GLYATL3: variants seen among roughly 807,000 people sequenced by gnomAD.
The protein encoded by GLYATL3 is glycine N-acyltransferase-like protein 3.
GLYATL3 carries 31 observed loss-of-function variants against 28.5 expected under a neutral mutation model. The observed-to-expected ratio is 1.09, with a 90% CI of 0.82 to 1.47. The LOEUF is 1.47. Ranked by LOEUF, GLYATL3 falls within the 40% of genes most tolerant of loss-of-function variation. GLYATL3 has a pLI of 0.00. For missense variants in GLYATL3, 369 were observed against 351.5 expected (o/e 1.05, Z -0.40); for synonymous variants, 141 against 140.2 (o/e 1.01, Z -0.04).
chr6:49,517,854 A>G (rs1769245581), intron 4 of GLYATL3, among the ~76,000 whole-genome samples: 1 of 152,166 alleles, frequency 6.6e-6, no homozygotes, highest in Non-Finnish European at 1.5e-5. Context: ...ATATGGATGG[A>G]TATCAGTGAG....
At chr6:49,500,526 GC>G (rs1349356464) in intron 1 of GLYATL3, among the ~76,000 whole-genome samples, 11 of 152,114 alleles carry the variant, frequency 7.2e-5, no homozygotes, top group Non-Finnish European at 1.5e-4. Flanking sequence ...AGAGTGTCAT[GC>G]TTTCATTGTT....
Position 49,519,522 on chromosome 6 carries a change from T to C in GLYATL3, c.313+1966T>C, listed in dbSNP as rs1769279013. Among the ~76,000 whole-genome samples, 2 of 152,202 alleles carry C rather than the reference T, an allele frequency of 1.3e-5. 1 individual carries two copies. The highest frequency in any genetic ancestry group is 4.1e-4 in the South Asian group (2 of 4,830). ...GAAGTCATTGGTATGTTTACTATTC[T>C]TAATTGGAGTATCCAAAAAGGTCAT... On this transcript the variant is annotated intron_variant, in intron 4 of 5. Transcript: ENST00000371197.
chr6:49,504,080 T>C (rs1768964261), intron 1 of GLYATL3, among the ~76,000 whole-genome samples: 2 of 152,110 alleles, frequency 1.3e-5, no homozygotes, highest in South Asian at 4.2e-4. Flanking sequence ...TTTAACAGTC[T>C]GTGGGGTGAC....
chr6:49,506,523 G>A (rs933115155), intron 1 of GLYATL3, among the ~76,000 whole-genome samples: 1 of 152,038 alleles, frequency 6.6e-6, no homozygotes, highest in Non-Finnish European at 1.5e-5. Flanking sequence ...TATGAAAAAA[G>A]CAGTCTTTAA....
At chr6:49,517,344 G>A in intron 3 of GLYATL3, 86 bp from the exon 4 acceptor site, 4 of 1,193,162 alleles carry the variant, frequency 3.4e-6, no homozygotes, top group Admixed American at 3.4e-5. Flanking sequence ...AGCTAGACAT[G>A]TCCAGCTAAC....
chr6:49,522,230 A>C, intron 5 of GLYATL3, among the ~76,000 whole-genome samples: 1 of 151,998 alleles, frequency 6.6e-6, no homozygotes, highest in East Asian at 1.9e-4. Flanking sequence ...TCTTTCCACA[A>C]CCCTGTGAAG....
At chr6:49,509,948 C>CTTCCTTTTTCTT (rs68151540) in intron 1 of GLYATL3, among the ~76,000 whole-genome samples, 2 of 100,258 alleles carry the variant, frequency 2.0e-5, no homozygotes, top group Non-Finnish European at 4.6e-5. Flanking sequence ...TATTTTCTTT[C>CTTCCTTTTTCTT]TCTTTCTTTC....
chr6:49,501,335 G>C (rs1229701961), intron 1 of GLYATL3, among the ~76,000 whole-genome samples: 1 of 152,162 alleles, frequency 6.6e-6, no homozygotes, highest in South Asian at 2.1e-4. Flanking sequence ...TTGTTCCTAG[G>C]TGGATTGGCA....
intron 1 of GLYATL3, among the ~76,000 whole-genome samples, chr6:49,504,027 G>A (rs60944851): frequency 0.28 from 42,555 of 151,866 alleles, 6,264 homozygotes; most frequent in Non-Finnish European, 0.32. Context: ...GTCATGGCTC[G>A]AATAAGAAGA....
chr6:49,524,046 AT>A (rs1224396197), intron 5 of GLYATL3, among the ~76,000 whole-genome samples: 1 of 151,490 alleles, frequency 6.6e-6, no homozygotes, highest in Non-Finnish European at 1.5e-5. Flanking sequence ...GATGCAAACA[AT>A]TTGCCTTTAA....
intron 4 of GLYATL3, among the ~76,000 whole-genome samples, chr6:49,521,294 A>G (rs147307703): frequency 2.6e-5 from 4 of 152,312 alleles, no homozygotes; most frequent in African/African-American, 7.2e-5. Flanking sequence ...TTAGAGCTCT[A>G]AAATGTCATC....
chr6:49,514,415 A>ATGG (rs1254087690), intron 2 of GLYATL3, among the ~76,000 whole-genome samples: 6 of 152,220 alleles, frequency 3.9e-5, no homozygotes, highest in Non-Finnish European at 5.9e-5. Context: ...ATGAACATGA[A>ATGG]TGGTGGTAAA....
intron 4 of GLYATL3, among the ~76,000 whole-genome samples, chr6:49,518,698 T>A (rs999171712): frequency 3.9e-5 from 6 of 152,172 alleles, no homozygotes; most frequent in African/African-American, 1.2e-4. Flanking sequence ...CCCAGCACTT[T>A]AGGAGGCCGA....
At chr6:49,503,207 T>C (rs962909932) in intron 1 of GLYATL3, among the ~76,000 whole-genome samples, 3 of 152,240 alleles carry the variant, frequency 2.0e-5, no homozygotes, top group Non-Finnish European at 4.4e-5. Context: ...TACTGTCCCA[T>C]CTTTGAATTG....
At position 49,512,043 on chromosome 6, in the gene GLYATL3, A is replaced by G. The variant is rs546529523; in HGVS notation, c.53A>G (p.Lys18Arg). 8 of 1,459,042 alleles carry G rather than the reference A, an allele frequency of 5.5e-6. No individual in the cohort carries two copies. The South Asian group carries it at 1.0e-4, about 18-fold the overall frequency. 90.4% of individuals were successfully genotyped at this position (1,459,042 alleles called of 1,614,324 possible). A position where few individuals can be genotyped will look rare whatever the true frequency, so the allele number is the denominator to read the frequency against. ...TKLLILEKML[K>R]SCFPESLKVY... ...TTACTGATACTGGAGAAAATGTTGA[A>G]GAGTTGCTTTCCTGAATCACTCAAG... Residue 18 changes from lysine (K) to arginine (R), a missense_variant, in exon 2 of 6, where the codon AAG (lysine) becomes AGG (arginine). By Grantham distance (26) the Lys-to-Arg change is conservative (BLOSUM62 2). Coordinates refer to ENST00000371197, the MANE Select transcript of GLYATL3 (RefSeq NM_001010904.2).
chr6:49,505,075 T>C (rs897228482), intron 1 of GLYATL3, among the ~76,000 whole-genome samples: 1 of 152,160 alleles, frequency 6.6e-6, no homozygotes, highest in African/African-American at 2.4e-5. Flanking sequence ...GAGAGAATAT[T>C]TATGTTTAAG....
intron 1 of GLYATL3, among the ~76,000 whole-genome samples, chr6:49,506,876 G>A (rs1769020186): frequency 6.6e-6 from 1 of 152,092 alleles, no homozygotes; most frequent in Non-Finnish European, 1.5e-5. Context: ...GTGGACTGGG[G>A]GAAAACAGGA....
rs1447216304 is a variant in GLYATL3 at position 49,504,672 on chromosome 6, ACCTTGG to A, written c.-29+4636_-29+4641del. 1.1e-4 allele frequency among the ~76,000 whole-genome samples: 17 copies of A among 152,240 alleles called. No homozygotes were observed. In the East Asian group the frequency reaches 2.7e-3, roughly 24 times the overall value. On this transcript the variant is annotated intron_variant, in intron 1 of 5. Coordinates refer to ENST00000371197, the MANE Select transcript of GLYATL3 (RefSeq NM_001010904.2). ...AGGTTCTGTTACTTTTTTCTACAAT[ACCTTGG>A]CCTTGTGGGTTATAAGGAATATGAG...
rs553506429 is a variant in GLYATL3, at chr6:49,502,016, T to G, written c.-29+1974T>G. On this transcript the variant is annotated intron_variant, in intron 1 of 5. Coordinates refer to ENST00000371197, the MANE Select transcript of GLYATL3 (RefSeq NM_001010904.2). ...ACGTGCTATTGGTTCATTCTGGCAG[T>G]CCAACCTGGCATTGTCTTTACACAA... 3.3e-5 allele frequency among the ~76,000 whole-genome samples: 5 copies of G among 152,326 alleles called. No homozygotes were observed. In the South Asian group the frequency reaches 6.2e-4, roughly 19 times the overall value.
Sources: gnomAD v4.1 joint callset for allele counts (sites outside exome capture counted in the v4.1 genomes callset) on GRCh38, gnomAD v4.1.1 for gene constraint, MANE v1.5 for transcripts, NCBI Gene and HGNC (gene_info 2026-07-23, HGNC 2026-07-21) for gene names.